The following RARB variants were observed in gnomAD, a reference collection of about 807,000 sequenced individuals.
RARB encodes the protein retinoic acid receptor beta.
In RARB, 17 loss-of-function variants were observed where a neutral mutation model predicts 51.9. The observed-to-expected ratio is 0.33, with a 90% CI of 0.22 to 0.49. The LOEUF is 0.49. Among genes scored for constraint, RARB ranks in the 20% least tolerant of loss-of-function variants. The pLI is 0.99. For missense variants in RARB, 369 were observed against 550.8 expected (o/e 0.67, Z 3.30); for synonymous variants, 215 against 195.4 (o/e 1.10, Z -0.84).
At position 25,120,527 on chromosome 3, in the gene RARB, A is replaced by ATCTCTCTCTCTCTCTCTCTCTCTC. The variant is rs138649959; in HGVS notation, c.-327-11621_-327-11598dup. On this transcript the variant is annotated intron_variant, in intron 3 of 11. Coordinates refer to the RARB transcript ENST00000383772. ...AAGAAATATAAATATATATATAAAA[A>ATCTCTCTCTCTCTCTCTCTCTCTC]TCTCTCTCTCTCTCTCTCTCTCTCT... Among the ~76,000 whole-genome samples, 190 of 136,152 alleles carry ATCTCTCTCTCTCTCTCTCTCTCTC rather than the reference A, an allele frequency of 1.4e-3. 3 individuals are homozygous for ATCTCTCTCTCTCTCTCTCTCTCTC. Among genetic ancestry groups the ATCTCTCTCTCTCTCTCTCTCTCTC allele is most frequent in the African/African-American group, 4.9e-3 (176 of 35,642 alleles). The allele number at this position is 136,152 out of a possible 152,430, so 89.3% of individuals were successfully genotyped here.
At chr3:24,853,027 C>A (rs888370126) in intron 1 of RARB, among the ~76,000 whole-genome samples, 9 of 151,816 alleles carry the variant, frequency 5.9e-5, no homozygotes, top group South Asian at 4.1e-4. Context: ...TTTAAAATAA[C>A]GAACTGGCTG....
chr3:25,440,718 A>G (rs1708635308), intron 1 of RARB, among the ~76,000 whole-genome samples: 3 of 152,270 alleles, frequency 2.0e-5, no homozygotes, highest in Non-Finnish European at 4.4e-5. Flanking sequence ...GGTTGCAGTG[A>G]GCCGAGATCG....
intron 3 of RARB, among the ~76,000 whole-genome samples, chr3:25,564,976 C>A (rs1700431039): frequency 6.6e-6 from 1 of 152,168 alleles, no homozygotes; most frequent in Non-Finnish European, 1.5e-5. Flanking sequence ...AGAAGAGAGT[C>A]ATCTCCCCAC....
chr3:25,233,444 A>G (rs1702230464), intron 5 of RARB, among the ~76,000 whole-genome samples: 1 of 152,140 alleles, frequency 6.6e-6, no homozygotes, highest in African/African-American at 2.4e-5. Context: ...GTGTGGGTTT[A>G]TAAATTCTTC....
At chr3:25,488,460 A>T (rs1362121443) in intron 2 of RARB, among the ~76,000 whole-genome samples, 1 of 152,208 alleles carries the variant, frequency 6.6e-6, no homozygotes, top group African/African-American at 2.4e-5. Flanking sequence ...CTTCTGGAGA[A>T]AATGAGAAGG....
chr3:25,522,115 A>G (rs1183657987), intron 3 of RARB, among the ~76,000 whole-genome samples: 3 of 152,050 alleles, frequency 2.0e-5, no homozygotes, highest in Non-Finnish European at 4.4e-5. Context: ...ACCTCACTCA[A>G]GAAAATATAT....
At chr3:25,144,476 G>A (rs1268989113) in intron 4 of RARB, among the ~76,000 whole-genome samples, 3 of 152,072 alleles carry the variant, frequency 2.0e-5, no homozygotes, top group East Asian at 1.9e-4. Flanking sequence ...CTAGAGACCC[G>A]TGTTCTCTAG....
chr3:25,471,097 T>C (rs978406594), intron 2 of RARB, among the ~76,000 whole-genome samples: 3 of 152,244 alleles, frequency 2.0e-5, no homozygotes, highest in Non-Finnish European at 4.4e-5. Context: ...TATAATGAAT[T>C]GCATCTAATT....
At chr3:25,291,084 G>T (rs1258017917) in intron 5 of RARB, among the ~76,000 whole-genome samples, 3 of 152,070 alleles carry the variant, frequency 2.0e-5, no homozygotes, top group African/African-American at 7.2e-5. Flanking sequence ...AAATCCCTCA[G>T]TTTCCCCTTC....
chr3:25,234,124 T>C (rs1702248269), intron 5 of RARB, among the ~76,000 whole-genome samples: 1 of 152,166 alleles, frequency 6.6e-6, no homozygotes, highest in African/African-American at 2.4e-5. Flanking sequence ...AATGAGATTA[T>C]GTGGAATTGC....
At chr3:24,964,680 C>T (rs545397497) in intron 2 of RARB, among the ~76,000 whole-genome samples, 138 of 152,196 alleles carry the variant, frequency 9.1e-4, no homozygotes, top group South Asian at 2.9e-3. Flanking sequence ...TTGGGAGTAA[C>T]GAACCATTGA....
At chr3:25,344,982 C>T (rs939499714) in intron 5 of RARB, among the ~76,000 whole-genome samples, 2 of 152,178 alleles carry the variant, frequency 1.3e-5, no homozygotes, top group African/African-American at 4.8e-5. Flanking sequence ...TGGTCTTAAG[C>T]ATTTTCTTTT....
intron 3 of RARB, among the ~76,000 whole-genome samples, chr3:25,093,618 A>G (rs1104724): frequency 0.7 from 106,887 of 152,046 alleles, 38,569 homozygotes; most frequent in Admixed American, 0.79. Flanking sequence ...TCTGGAGGTC[A>G]CAGGTTTGCA....
chr3:25,371,313 G>A (rs547791856), intron 5 of RARB, among the ~76,000 whole-genome samples: 29 of 152,300 alleles, frequency 1.9e-4, no homozygotes, highest in African/African-American at 7.0e-4. Context: ...AGGTTGGGAT[G>A]TGGACAAGGC....
chr3:24,882,659 G>A (rs183414294), intron 2 of RARB, among the ~76,000 whole-genome samples: 1 of 152,148 alleles, frequency 6.6e-6, no homozygotes, highest in African/African-American at 2.4e-5. Context: ...GAACAGAGTT[G>A]CTTACATTTT....
intron 5 of RARB, among the ~76,000 whole-genome samples, chr3:25,211,771 T>G (rs1701702658): frequency 6.6e-6 from 1 of 152,212 alleles, no homozygotes; most frequent in Non-Finnish European, 1.5e-5. Context: ...TAAATGAATA[T>G]GTACATCTGT....
At chr3:25,240,046 G>GTTT (rs369953954) in intron 5 of RARB, among the ~76,000 whole-genome samples, 8 of 139,164 alleles carry the variant, frequency 5.7e-5, no homozygotes, top group African/African-American at 2.1e-4. Context: ...GTGTTTGTTT[G>GTTT]TTTTTTTTTT....
chr3:24,984,747 T>A (rs144348321), intron 2 of RARB, among the ~76,000 whole-genome samples: 1 of 117,480 alleles, frequency 8.5e-6, no homozygotes, highest in Non-Finnish European at 1.7e-5. Context: ...TTAGATGTTA[T>A]ATGCACAAAA....
Position 25,506,396 on chromosome 3 carries a change from A to G in RARB, c.448+5073A>G, listed in dbSNP as rs536765719. Among the ~76,000 whole-genome samples the G allele has an allele frequency of 7.2e-5, 11 of 152,210 alleles. No homozygotes were observed. In the South Asian group the frequency reaches 2.3e-3, roughly 32 times the overall value. On this transcript the variant is annotated intron_variant, in intron 3 of 7. Transcript: ENST00000330688. Reference sequence around the variant, plus strand: ...GGAGATGGGAGGATCTCTTGAGCCCAGTAGTTTGAGACCAGCCTGGGCAAC... The same window carrying G: ...GGAGATGGGAGGATCTCTTGAGCCCGGTAGTTTGAGACCAGCCTGGGCAAC...
Sources: allele counts gnomAD v4.1 joint callset (sites outside exome capture counted in the v4.1 genomes callset), GRCh38; gene constraint gnomAD v4.1.1; transcripts MANE v1.5; gene names NCBI Gene and HGNC (gene_info 2026-07-23, HGNC 2026-07-21).